The following CRYBA4 variants were observed in gnomAD, a reference collection of about 807,000 sequenced individuals.
The protein encoded by CRYBA4 is crystallin beta A4.
A neutral mutation model predicts 31.7 loss-of-function variants in CRYBA4; 30 were observed. That is an observed-to-expected ratio of 0.95 (90% CI 0.71 to 1.28). The LOEUF (loss-of-function observed/expected upper bound fraction) is 1.28, where lower values mean the gene tolerates loss of function less well. Among genes scored for constraint, CRYBA4 ranks in the 50% most tolerant of loss-of-function variants. CRYBA4 has a pLI of 0.00. For synonymous variants in CRYBA4, 102 were observed against 102.3 expected, an observed-to-expected ratio of 1.00 and a Z score of 0.02; for missense variants, 225 against 260.7, an observed-to-expected ratio of 0.86 and a Z score of 0.94.
chr22:26,597,985 C>T, the CRYBA4 span, among the ~76,000 whole-genome samples: 192 of 151,952 alleles, frequency 1.3e-3, 2 homozygotes, highest in Non-Finnish European at 4.4e-4. Context: ...CCGGTTCAAG[C>T]GATTTTCCTG....
At position 26,622,582 on chromosome 22, in the gene CRYBA4, C is replaced by T. The variant is rs2145978200; in HGVS notation, c.-12-3C>T. ...AAGATTATAATGTTCTTCTCTTCTGCAGGAAGGGGCCACAATGACCCTGCA... is the reference window on the plus strand; with the variant it reads ...AAGATTATAATGTTCTTCTCTTCTGTAGGAAGGGGCCACAATGACCCTGCA... On this transcript the variant is annotated splice_region_variant and splice_polypyrimidine_tract_variant and intron_variant, in intron 1 of 5. Coordinates refer to ENST00000354760, the MANE Select transcript of CRYBA4 (RefSeq NM_001886.3). The T allele has an allele frequency of 6.2e-7, 1 of 1,611,182 alleles. No individual in the cohort carries two copies. The highest frequency in any genetic ancestry group is 2.2e-5 in the East Asian group (1 of 44,770).
the CRYBA4 span, among the ~76,000 whole-genome samples, chr22:26,610,458 CTTTG>C: frequency 6.6e-6 from 1 of 152,126 alleles, no homozygotes; most frequent in African/African-American, 2.4e-5. Context: ...CCAGCTGCAT[CTTTG>C]TTTGAGGAGA....
At chr22:26,592,335 GACAA>G in the CRYBA4 span, among the ~76,000 whole-genome samples, 1 of 152,216 alleles carries the variant, frequency 6.6e-6, no homozygotes, top group Admixed American at 6.5e-5. Context: ...CTAACAGGGG[GACAA>G]AGGTCCAAGT....
chr22:26,626,995 T>C (rs1929720372), intron 4 of CRYBA4, among the ~76,000 whole-genome samples: 1 of 152,202 alleles, frequency 6.6e-6, no homozygotes, highest in Non-Finnish European at 1.5e-5. Context: ...TCGTTTTTCA[T>C]AGCTCCCTAG....
rs1929572128 is a variant in CRYBA4, at chr22:26,622,726, A to G, written c.39+91A>G. ...TAGGAGGGGGGCATTATAAATGCCT[A>G]TTTCACAGAGGTGCAATCAAGGCTC... On this transcript the variant is annotated intron_variant, in intron 2 of 5. Coordinates refer to ENST00000354760, the MANE Select transcript of CRYBA4 (RefSeq NM_001886.3). 5.1e-5 allele frequency: 49 copies of G among 960,918 alleles called. 1 individual carries two copies. In the South Asian group the frequency reaches 5.7e-4, roughly 11 times the overall value. The allele number at this position is 960,918 out of a possible 1,614,324, so 59.5% of individuals were successfully genotyped here. A position where few individuals can be genotyped will look rare whatever the true frequency, so the allele number is the denominator to read the frequency against.
chr22:26,607,916 C>CCGAT, the CRYBA4 span: 1 of 1,614,224 alleles, frequency 6.2e-7, no homozygotes, highest in Non-Finnish European at 8.5e-7. Context: ...AGGACATGAG[C>CCGAT]CGATCACTGC....
rs751503329 is a variant in CRYBA4, at chr22:26,623,229, C to T, written c.40-5C>T. On this transcript the variant is annotated splice_region_variant and splice_polypyrimidine_tract_variant and intron_variant, in intron 2 of 5. Coordinates refer to ENST00000354760, the MANE Select transcript of CRYBA4 (RefSeq NM_001886.3). ...GATCTCCACCTTTTTTTTTTCCTGG[C>T]ACAGATGGTGGTGTGGGATGAGGAC... 46 of 1,609,838 alleles carry T rather than the reference C, an allele frequency of 2.9e-5. 1 individual carries two copies. In the Admixed American group the frequency reaches 7.2e-4, roughly 25 times the overall value.
chr22:26,628,818 GTCCAGGC>G (rs1297205671), intron 5 of CRYBA4, among the ~76,000 whole-genome samples: 2 of 152,178 alleles, frequency 1.3e-5, no homozygotes, highest in Non-Finnish European at 2.9e-5. Flanking sequence ...GAAAGACAGT[GTCCAGGC>G]TCAGTGATTC....
upstream of CRYBA4, among the ~76,000 whole-genome samples, chr22:26,618,696 G>A (rs534888235): frequency 5.8e-4 from 88 of 152,302 alleles, no homozygotes; most frequent in African/African-American, 2.0e-3. Flanking sequence ...AGCCAGCTCT[G>A]GGCCTGTGTG....
At chr22:26,619,166 C>T (rs1222941878), upstream of CRYBA4, among the ~76,000 whole-genome samples, 5 of 151,950 alleles carry the variant, frequency 3.3e-5, no homozygotes, top group African/African-American at 1.2e-4. Context: ...GATAGGGAAA[C>T]CAAGGCAAGG....
At chr22:26,594,874 G>T in the CRYBA4 span, among the ~76,000 whole-genome samples, 1 of 152,144 alleles carries the variant, frequency 6.6e-6, no homozygotes, top group Non-Finnish European at 1.5e-5. Context: ...TGATTTCTGG[G>T]GTTGAGCACC....
chr22:26,622,901 GT>G (rs1009552225), intron 2 of CRYBA4, among the ~76,000 whole-genome samples: 1 of 152,184 alleles, frequency 6.6e-6, no homozygotes, highest in African/African-American at 2.4e-5. Context: ...GTGTTTGTTT[GT>G]TTTATAAAGC....
intron 5 of CRYBA4, among the ~76,000 whole-genome samples, chr22:26,628,971 C>T (rs181230215): frequency 2.6e-4 from 39 of 152,308 alleles, no homozygotes; most frequent in Middle Eastern, 3.4e-3. Context: ...TAGATTCAGC[C>T]TCATTTTCTC....
the CRYBA4 span, among the ~76,000 whole-genome samples, chr22:26,602,906 G>A: frequency 4.0e-5 from 6 of 150,934 alleles, no homozygotes; most frequent in East Asian, 1.2e-3. Flanking sequence ...GGCAGATCAT[G>A]TGGTCAGGAG....
At chr22:26,595,908 G>T in the CRYBA4 span, among the ~76,000 whole-genome samples, 351 of 151,706 alleles carry the variant, frequency 2.3e-3, 2 homozygotes, top group African/African-American at 7.7e-3. Context: ...CAGTAGCTGG[G>T]ACTACAGGCA....
At chr22:26,614,299 C>T in the CRYBA4 span, among the ~76,000 whole-genome samples, 1 of 152,228 alleles carries the variant, frequency 6.6e-6, no homozygotes, top group Non-Finnish European at 1.5e-5. Context: ...GTTTTTGCAG[C>T]TTGTGGGGCA....
upstream of CRYBA4, among the ~76,000 whole-genome samples, chr22:26,619,827 C>G (rs902332061): frequency 1.3e-5 from 2 of 152,230 alleles, no homozygotes; most frequent in East Asian, 3.8e-4. Flanking sequence ...CGTGCCCCCC[C>G]TAAAGCCCCA....
chr22:26,608,124 G>T, the CRYBA4 span: 3 of 1,561,044 alleles, frequency 1.9e-6, no homozygotes, highest in Non-Finnish European at 2.6e-6. Context: ...CAGCCCTGAG[G>T]ACAGTAGGAA....
chr22:26,610,784 G>T, the CRYBA4 span, among the ~76,000 whole-genome samples: 1 of 152,142 alleles, frequency 6.6e-6, no homozygotes, highest in Non-Finnish European at 1.5e-5. Flanking sequence ...AGTGGTGAGG[G>T]CCATCCTTCT....
Sources: gnomAD v4.1 joint callset for allele counts (sites outside exome capture counted in the v4.1 genomes callset) on GRCh38, gnomAD v4.1.1 for gene constraint, MANE v1.5 for transcripts, NCBI Gene and HGNC (gene_info 2026-07-23, HGNC 2026-07-21) for gene names.